BBS12: variants seen among roughly 807,000 people sequenced by gnomAD.
BBS12 encodes the protein chaperonin-containing T-complex member BBS12.
In BBS12, 5 loss-of-function variants were observed where a neutral mutation model predicts 5.6. That is an observed-to-expected ratio of 0.89 (90% CI 0.46 to 1.86). BBS12 has a LOEUF of 1.86. Among genes scored for constraint, BBS12 ranks in the 40% most tolerant of loss-of-function variants. The pLI is 0.01. For synonymous variants in BBS12, 308 were observed against 306.8 expected, an observed-to-expected ratio of 1.00 and a Z score of -0.04; for missense variants, 748 against 830.4, an observed-to-expected ratio of 0.90 and a Z score of 1.22.
the BBS12 span, among the ~76,000 whole-genome samples, chr4:122,723,038 ACGT>A: frequency 6.6e-6 from 1 of 152,162 alleles, no homozygotes; most frequent in Non-Finnish European, 1.5e-5. Context: ...TCATAAATGG[ACGT>A]CAAATTTTAT....
At chr4:122,740,286 AT>A (rs1800848255) in intron 1 of BBS12, among the ~76,000 whole-genome samples, 1 of 152,148 alleles carries the variant, frequency 6.6e-6, no homozygotes, top group Non-Finnish European at 1.5e-5. Flanking sequence ...AATAAAAAGA[AT>A]GCTAATCATT....
chr4:122,719,030 A>G, the BBS12 span, among the ~76,000 whole-genome samples: 1 of 152,126 alleles, frequency 6.6e-6, no homozygotes. Context: ...CATGTTAGCC[A>G]GGATGGTCTC....
the BBS12 span, among the ~76,000 whole-genome samples, chr4:122,701,744 C>G: frequency 6.6e-6 from 1 of 152,180 alleles, no homozygotes; most frequent in Non-Finnish European, 1.5e-5. Flanking sequence ...CAAGATAAGC[C>G]TGGTTCCAAA....
chr4:122,727,564 T>TTTC, the BBS12 span, among the ~76,000 whole-genome samples: 1 of 101,978 alleles, frequency 9.8e-6, no homozygotes, highest in African/African-American at 5.1e-5. Context: ...TTTTTTTTTT[T>TTTC]TTTGAGATGG....
At chr4:122,734,924 C>CA (rs1334792794) in intron 1 of BBS12, among the ~76,000 whole-genome samples, 424 of 152,240 alleles carry the variant, frequency 2.8e-3, no homozygotes, top group African/African-American at 8.1e-3. Context: ...CACATAGGCA[C>CA]TCTTAAATCT....
At chr4:122,728,898 T>C (rs528706540), upstream of BBS12, 5 of 152,352 alleles carry the variant, frequency 3.3e-5, no homozygotes, top group East Asian at 9.6e-4. Context: ...GCAAGTGGCA[T>C]CTGTTGCCTA....
chr4:122,732,209 A>G (rs977774193), upstream of BBS12: 1 of 152,256 alleles, frequency 6.6e-6, no homozygotes, highest in Middle Eastern at 3.2e-3. Flanking sequence ...ATACACACAC[A>G]TATGGGTGAA....
At chr4:122,738,913 G>C (rs929967584) in intron 1 of BBS12, among the ~76,000 whole-genome samples, 51 of 152,186 alleles carry the variant, frequency 3.4e-4, no homozygotes, top group African/African-American at 1.2e-3. Flanking sequence ...TGTCCTTCTA[G>C]CATCTCAAAA....
At chr4:122,719,764 G>A in the BBS12 span, among the ~76,000 whole-genome samples, 1 of 152,228 alleles carries the variant, frequency 6.6e-6, no homozygotes, top group Non-Finnish European at 1.5e-5. Context: ...ATGCTGCAAA[G>A]ATAGAAATTT....
chr4:122,721,145 C>T, the BBS12 span, among the ~76,000 whole-genome samples: 1 of 152,160 alleles, frequency 6.6e-6, no homozygotes, highest in East Asian at 1.9e-4. Flanking sequence ...CCTTTTCAGA[C>T]AAAAGCTCAG....
chr4:122,712,392 A>G, the BBS12 span, among the ~76,000 whole-genome samples: 10 of 152,242 alleles, frequency 6.6e-5, no homozygotes, highest in Non-Finnish European at 7.3e-5. Flanking sequence ...TTCCCTCACA[A>G]AAGGCTATGA....
upstream of BBS12, chr4:122,730,541 C>T (rs1349133189): frequency 1.3e-5 from 2 of 152,164 alleles, no homozygotes; most frequent in African/African-American, 4.8e-5. Flanking sequence ...ACTAAAACAA[C>T]GCTATTAATA....
chr4:122,720,831 A>C, the BBS12 span, among the ~76,000 whole-genome samples: 1 of 151,948 alleles, frequency 6.6e-6, no homozygotes, highest in Non-Finnish European at 1.5e-5. Flanking sequence ...ACACTTGGGT[A>C]CATCATAGTT....
At position 122,743,812 on chromosome 4, in the gene BBS12, T is replaced by G. The variant is rs756035223; in HGVS notation, c.1920T>G (p.Tyr640Ter). 1 of 1,611,926 alleles carries G rather than the reference T, an allele frequency of 6.2e-7. No individual in the cohort carries two copies. The highest frequency in any genetic ancestry group is 8.5e-7 in the Non-Finnish European group (1 of 1,179,250). ...CTTCATCTTACATCTTGAATGAATA[T>G]AGTAAACTAAATAGTAGAATTTTTA... ...GSPSSYILNE[Y>*]SKLNSRIFNS... The change falls in exon 2 of 2, where the codon TAT becomes TAG. Residue 640 changes from tyrosine to a stop codon, truncating the protein, a stop_gained. Transcript: ENST00000314218. LOFTEE classifies it high-confidence loss of function.
chr4:122,729,236 A>T (rs954326514), upstream of BBS12: 1 of 152,326 alleles, frequency 6.6e-6, no homozygotes, highest in East Asian at 1.9e-4. Flanking sequence ...ATTGACTCTG[A>T]AACAGAGGAA....
the BBS12 span, among the ~76,000 whole-genome samples, chr4:122,716,689 G>A: frequency 2.9e-4 from 18 of 61,056 alleles, no homozygotes; most frequent in African/African-American, 1.6e-3. Context: ...ATACACATAT[G>A]TGTATGTGTG....
chr4:122,716,683 A>G, the BBS12 span, among the ~76,000 whole-genome samples: 5 of 87,014 alleles, frequency 5.7e-5, no homozygotes, highest in African/African-American at 6.9e-5. Context: ...GTATATATAC[A>G]CATATGTGTA....
At chr4:122,739,788 A>G (rs1040804135) in intron 1 of BBS12, among the ~76,000 whole-genome samples, 1 of 152,220 alleles carries the variant, frequency 6.6e-6, no homozygotes, top group Non-Finnish European at 1.5e-5. Context: ...TGCAATGACA[A>G]GCTGTCTCTC....
chr4:122,738,263 T>G (rs1480241879), intron 1 of BBS12, among the ~76,000 whole-genome samples: 1 of 152,110 alleles, frequency 6.6e-6, no homozygotes, highest in Non-Finnish European at 1.5e-5. Context: ...GTTGCCCAGG[T>G]TGGAGTGTGC....
Sources: gnomAD v4.1 joint callset for allele counts (sites outside exome capture counted in the v4.1 genomes callset) on GRCh38, gnomAD v4.1.1 for gene constraint, MANE v1.5 for transcripts, NCBI Gene and HGNC (gene_info 2026-07-23, HGNC 2026-07-21) for gene names.